The following ASIC2 variants were observed in gnomAD, a reference collection of about 807,000 sequenced individuals.
ASIC2 encodes the protein acid-sensing ion channel 2.
A neutral mutation model predicts 57.3 loss-of-function variants in ASIC2; 25 were observed. The ratio of observed to expected loss-of-function variants is 0.44; its 90% CI spans 0.32 to 0.61. ASIC2 has a LOEUF of 0.61. ASIC2 is among the 20% of genes least tolerant of loss of function. ASIC2 has a pLI of 0.06. For missense variants in ASIC2, 641 were observed against 738.1 expected (o/e 0.87, Z 1.52); for synonymous variants, 319 against 307.5 (o/e 1.04, Z -0.39).
At chr17:33,992,838 GAA>G in intron 1 of ASIC2, among the ~76,000 whole-genome samples, 1 of 152,190 alleles carries the variant, frequency 6.6e-6, no homozygotes, top group African/African-American at 2.4e-5. Flanking sequence ...ATGAATAAAT[GAA>G]TGACCAGAGT....
intron 1 of ASIC2, among the ~76,000 whole-genome samples, chr17:33,156,982 T>C (rs1358581723): frequency 6.6e-6 from 1 of 152,016 alleles, no homozygotes. Context: ...TCCCTTGCCT[T>C]GGGAAATATA....
At chr17:33,883,751 C>A (rs1420691149) in intron 1 of ASIC2, among the ~76,000 whole-genome samples, 1 of 152,188 alleles carries the variant, frequency 6.6e-6, no homozygotes, top group East Asian at 1.9e-4. Flanking sequence ...TTTCCTGCAT[C>A]CCCTGAATTC....
chr17:33,448,049 TAATAAAATAAAATAA>T (rs67408111), intron 1 of ASIC2, among the ~76,000 whole-genome samples: 2,316 of 140,018 alleles, frequency 0.017, 28 homozygotes, highest in African/African-American at 0.033. Flanking sequence ...TCTTTATGCA[TAATAAAATAAAATAA>T]AATAAAATAA....
At chr17:33,405,598 C>T (rs1910445848) in intron 1 of ASIC2, among the ~76,000 whole-genome samples, 1 of 152,002 alleles carries the variant, frequency 6.6e-6, no homozygotes, top group Admixed American at 6.5e-5. Flanking sequence ...ATTCTCCCGC[C>T]TCAGCCTCCT....
At chr17:33,916,807 C>T (rs1234458093) in intron 1 of ASIC2, among the ~76,000 whole-genome samples, 2 of 152,216 alleles carry the variant, frequency 1.3e-5, no homozygotes, top group African/African-American at 2.4e-5. Flanking sequence ...AAACCCAAAC[C>T]ACAGGTTTAC....
intron 1 of ASIC2, among the ~76,000 whole-genome samples, chr17:33,143,439 G>A (rs927866911): frequency 1.1e-4 from 17 of 152,160 alleles, no homozygotes; most frequent in African/African-American, 3.1e-4. Flanking sequence ...GGTACCATGA[G>A]AGTTGCTTTT....
At chr17:33,511,704 C>T (rs1390783968) in intron 1 of ASIC2, among the ~76,000 whole-genome samples, 3 of 152,334 alleles carry the variant, frequency 2.0e-5, no homozygotes, top group Admixed American at 6.5e-5. Context: ...ACTCTACTAC[C>T]CTCCAATCCC....
At chr17:33,263,094 G>A (rs980313361) in intron 1 of ASIC2, among the ~76,000 whole-genome samples, 2 of 152,166 alleles carry the variant, frequency 1.3e-5, no homozygotes, top group African/African-American at 2.4e-5. Flanking sequence ...TGAGGGAAGG[G>A]CATCTGTTTG....
At chr17:33,512,406 T>C (rs1196945848) in intron 1 of ASIC2, among the ~76,000 whole-genome samples, 1 of 152,206 alleles carries the variant, frequency 6.6e-6, no homozygotes, top group East Asian at 1.9e-4. Context: ...GCCTGTCCCT[T>C]AGCATCAGTT....
At chr17:33,832,559 A>G (rs538415852) in intron 1 of ASIC2, among the ~76,000 whole-genome samples, 1 of 152,330 alleles carries the variant, frequency 6.6e-6, no homozygotes, top group South Asian at 2.1e-4. Flanking sequence ...GTTGCCCTTT[A>G]TTTACACCCA....
At chr17:33,941,834 C>A (rs1487498507) in intron 1 of ASIC2, among the ~76,000 whole-genome samples, 1 of 152,114 alleles carries the variant, frequency 6.6e-6, no homozygotes, top group Non-Finnish European at 1.5e-5. Flanking sequence ...GCACTTGCAC[C>A]AGGACAGGGC....
intron 1 of ASIC2, among the ~76,000 whole-genome samples, chr17:34,018,377 G>A (rs941235332): frequency 1.3e-5 from 2 of 152,212 alleles, no homozygotes; most frequent in African/African-American, 4.8e-5. Flanking sequence ...TGACCCAAGA[G>A]TTCTGATGAA....
At chr17:33,816,536 C>T (rs1233384402) in intron 1 of ASIC2, among the ~76,000 whole-genome samples, 2 of 152,162 alleles carry the variant, frequency 1.3e-5, no homozygotes, top group African/African-American at 4.8e-5. Context: ...GAATTCAAAT[C>T]CAGGCCTGCT....
chr17:34,098,535 G>C (rs1207062446), intron 1 of ASIC2, among the ~76,000 whole-genome samples: 2 of 152,186 alleles, frequency 1.3e-5, no homozygotes, highest in East Asian at 3.9e-4. Flanking sequence ...AGGGCCCTGG[G>C]AGACAAGTTA....
chr17:33,325,039 C>T (rs190303861), intron 1 of ASIC2, among the ~76,000 whole-genome samples: 10 of 152,284 alleles, frequency 6.6e-5, no homozygotes, highest in Admixed American at 3.3e-4. Context: ...GTGCTTGATG[C>T]TTTCCGCCTG....
At chr17:33,330,392 C>T (rs920587899) in intron 1 of ASIC2, among the ~76,000 whole-genome samples, 1 of 152,148 alleles carries the variant, frequency 6.6e-6, no homozygotes, top group Non-Finnish European at 1.5e-5. Flanking sequence ...GGACCAGCAT[C>T]CCACAGAGTC....
At chr17:33,710,647 G>A (rs1909000825) in intron 1 of ASIC2, among the ~76,000 whole-genome samples, 1 of 152,176 alleles carries the variant, frequency 6.6e-6, no homozygotes. Flanking sequence ...GGTAAAATAC[G>A]ATTGGTGAAG....
intron 1 of ASIC2, chr17:33,984,168 G>A (rs1905728565): frequency 6.6e-6 from 1 of 152,204 alleles, no homozygotes; most frequent in Admixed American, 6.5e-5. Flanking sequence ...CTCTCCAATG[G>A]AGGGGAGTGG....
chr17:33,623,879 G>GC (rs887760367), intron 1 of ASIC2, among the ~76,000 whole-genome samples: 34 of 152,062 alleles, frequency 2.2e-4, no homozygotes, highest in African/African-American at 2.4e-4. Context: ...CAAGGCTCCA[G>GC]CCCCCCACCT....
Sources: allele counts gnomAD v4.1 joint callset (sites outside exome capture counted in the v4.1 genomes callset), GRCh38; gene constraint gnomAD v4.1.1; transcripts MANE v1.5; gene names NCBI Gene and HGNC (gene_info 2026-07-23, HGNC 2026-07-21).